Variants in PTK2 observed in about 807,000 individuals in gnomAD.
PTK2 encodes focal adhesion kinase 1.
PTK2 carries 45 observed loss-of-function variants against 150.1 expected under a neutral mutation model. That is an observed-to-expected ratio of 0.30 (90% confidence interval 0.24 to 0.38). The LOEUF (loss-of-function observed/expected upper bound fraction) is 0.38, where lower values mean the gene tolerates loss of function less well. PTK2 is among the 10% of genes least tolerant of loss of function. PTK2 has a pLI of 1.00. For synonymous variants in PTK2, 432 were observed against 449.2 expected (o/e 0.96, Z 0.48); for missense variants, 919 against 1,307.3 (o/e 0.70, Z 4.58).
At chr8:140,669,143 T>C (rs562896634) in intron 29 of PTK2, 1 of 152,020 alleles carries the variant, frequency 6.6e-6, no homozygotes, top group Non-Finnish European at 1.5e-5. Context: ...AGGCCAAAGA[T>C]GTAACAATGT....
chr8:140,964,989 T>C (rs2100184735), intron 1 of PTK2, among the ~76,000 whole-genome samples: 1 of 152,232 alleles, frequency 6.6e-6, no homozygotes, highest in Non-Finnish European at 1.5e-5. Flanking sequence ...GGTCCTGCTA[T>C]CATGAACGGA....
chr8:140,850,442 C>T (rs563907563), intron 5 of PTK2, among the ~76,000 whole-genome samples: 15 of 145,174 alleles, frequency 1.0e-4, no homozygotes, highest in African/African-American at 3.6e-4. Flanking sequence ...AAAACTACGA[C>T]GGGCCAGGCG....
At chr8:140,871,114 G>A (rs2100142236) in intron 4 of PTK2, among the ~76,000 whole-genome samples, 1 of 152,118 alleles carries the variant, frequency 6.6e-6, no homozygotes, top group African/African-American at 2.4e-5. Context: ...GTCATGTTAT[G>A]GACAGACCAT....
chr8:140,747,824 C>T (rs1241072152), intron 17 of PTK2, among the ~76,000 whole-genome samples: 2 of 151,620 alleles, frequency 1.3e-5, no homozygotes, highest in Non-Finnish European at 1.5e-5. Flanking sequence ...AGAAGAAAGA[C>T]GACGACAACC....
intron 26 of PTK2, among the ~76,000 whole-genome samples, chr8:140,689,525 A>G (rs1289573806): frequency 6.6e-6 from 1 of 152,236 alleles, no homozygotes; most frequent in African/African-American, 2.4e-5. Context: ...TGAATAGTCC[A>G]TTGATTAGCT....
intron 1 of PTK2, among the ~76,000 whole-genome samples, chr8:140,962,211 T>G (rs2100183444): frequency 1.2e-5 from 1 of 84,752 alleles, no homozygotes. Flanking sequence ...AGACTCTGTC[T>G]CAAAATTTAA....
chr8:140,902,104 G>A (rs1156701232), intron 2 of PTK2, among the ~76,000 whole-genome samples: 1 of 151,530 alleles, frequency 6.6e-6, no homozygotes, highest in African/African-American at 2.4e-5. Flanking sequence ...CACAATCTTG[G>A]CTCACTGCAG....
At chr8:140,902,924 GTTTTTTTTTTTT>G (rs61261890) in intron 2 of PTK2, among the ~76,000 whole-genome samples, 26 of 58,960 alleles carry the variant, frequency 4.4e-4, no homozygotes, top group Non-Finnish European at 4.9e-4. Context: ...GATGAGAGTT[GTTTTTTTTTTTT>G]TTTTTTTTTT....
intron 27 of PTK2, among the ~76,000 whole-genome samples, chr8:140,684,494 T>C (rs1292158268): frequency 3.9e-5 from 6 of 152,224 alleles, no homozygotes; most frequent in Non-Finnish European, 7.3e-5. Context: ...GGGACTCCTG[T>C]GATAAACAAC....
chr8:140,837,943 T>C (rs1277019332), intron 7 of PTK2, among the ~76,000 whole-genome samples: 3 of 151,644 alleles, frequency 2.0e-5, no homozygotes, highest in Non-Finnish European at 4.4e-5. Flanking sequence ...GCACCTGCAA[T>C]CCCAGCTACT....
intron 2 of PTK2, among the ~76,000 whole-genome samples, chr8:140,908,692 G>C (rs1659037198): frequency 6.6e-6 from 1 of 152,038 alleles, no homozygotes; most frequent in Non-Finnish European, 1.5e-5. Flanking sequence ...GATTTGGGGG[G>C]GGACACAGCC....
At chr8:140,749,100 T>A (rs1388716298) in intron 17 of PTK2, among the ~76,000 whole-genome samples, 1 of 152,230 alleles carries the variant, frequency 6.6e-6, no homozygotes, top group Non-Finnish European at 1.5e-5. Flanking sequence ...CTAGCTCACT[T>A]ATGTGTTTTA....
chr8:140,818,241 T>G (rs1404202619), intron 10 of PTK2, 36 bp downstream of exon 10: 1 of 1,539,510 alleles, frequency 6.5e-7, no homozygotes, highest in Admixed American at 1.7e-5. Flanking sequence ...CTTCTTTGTG[T>G]AACGCCAAGT....
intron 1 of PTK2, among the ~76,000 whole-genome samples, chr8:140,976,865 T>C (rs1420625726): frequency 6.6e-6 from 1 of 152,222 alleles, no homozygotes; most frequent in Non-Finnish European, 1.5e-5. Flanking sequence ...AGCCAAATTC[T>C]ACTACAATAT....
intron 16 of PTK2, among the ~76,000 whole-genome samples, chr8:140,753,502 G>A (rs1016225220): frequency 1.3e-5 from 2 of 152,158 alleles, no homozygotes; most frequent in Non-Finnish European, 2.9e-5. Flanking sequence ...GTGACTGGAC[G>A]AAATCACCAA....
intron 1 of PTK2, among the ~76,000 whole-genome samples, chr8:140,991,913 C>T (rs1050118383): frequency 2.0e-5 from 3 of 151,950 alleles, no homozygotes; most frequent in Non-Finnish European, 2.9e-5. Flanking sequence ...GGAGGATCAC[C>T]TGAGGCTGGG....
intron 10 of PTK2, among the ~76,000 whole-genome samples, chr8:140,808,733 G>GTTTTTTTTTT (rs57600032): frequency 1.7e-5 from 2 of 116,592 alleles, no homozygotes; most frequent in African/African-American, 3.4e-5. Flanking sequence ...TTTTGTTCTT[G>GTTTTTTTTTT]TTTTTTTTTT....
At chr8:140,756,809 G>A in intron 16 of PTK2, among the ~76,000 whole-genome samples, 1 of 151,136 alleles carries the variant, frequency 6.6e-6, no homozygotes, top group East Asian at 2.0e-4. Context: ...CTAACCCGTT[G>A]AAATCCCATC....
intron 2 of PTK2, among the ~76,000 whole-genome samples, chr8:140,914,684 C>T (rs1032290808): frequency 6.6e-6 from 1 of 151,986 alleles, no homozygotes; most frequent in Non-Finnish European, 1.5e-5. Flanking sequence ...TTGCTTCTAA[C>T]GACTGAAACC....
Sources: gnomAD v4.1 joint callset for allele counts (sites outside exome capture counted in the v4.1 genomes callset) on GRCh38, gnomAD v4.1.1 for gene constraint, MANE v1.5 for transcripts, NCBI Gene and HGNC (gene_info 2026-07-23, HGNC 2026-07-21) for gene names.